Variants in THADA observed in about 807,000 individuals in gnomAD.
The protein encoded by THADA is THADA armadillo repeat containing.
Under a neutral mutation model 219.8 loss-of-function variants are expected in THADA, and 213 were observed. That is an observed-to-expected ratio of 0.97 (90% CI 0.87 to 1.09). The LOEUF (loss-of-function observed/expected upper bound fraction) is 1.09. Among genes scored for constraint, THADA ranks in the 50% least tolerant of loss-of-function variants. The probability of loss-of-function intolerance (pLI) is 0.00; values close to 1 mark genes in which losing one functional copy is unlikely to be tolerated. For synonymous variants in THADA, 1,018 were observed against 828.9 expected (o/e 1.23, Z -3.92); for missense variants, 2,956 against 2,311.3 (o/e 1.28, Z -5.72).
In THADA at chr2:43,546,374, T is replaced by C. The variant is rs1264992874; in HGVS notation, c.3106+2836A>G. On this transcript the variant is annotated intron_variant, in intron 20 of 37. Coordinates refer to ENST00000405975, the MANE Select transcript of THADA (RefSeq NM_022065.5). ...GATTTGGGGTGGAGAGTTCTGTAGA[T>C]GTCTATTAGGTCCGCTTGGTGCAGA... Among the ~76,000 whole-genome samples, 9 of 152,212 alleles carry C rather than the reference T, an allele frequency of 5.9e-5. No individual in the cohort carries two copies. The South Asian group carries it at 6.2e-4, about 10-fold the overall frequency.
intron 29 of THADA, among the ~76,000 whole-genome samples, chr2:43,389,823 C>T (rs570484422): frequency 1.8e-4 from 28 of 152,214 alleles, no homozygotes; most frequent in Admixed American, 7.2e-4. Flanking sequence ...CCAGTCCATC[C>T]TGGTCTTGCC....
At chr2:43,233,615 G>T (rs1490121616) in intron 36 of THADA, among the ~76,000 whole-genome samples, 1 of 152,080 alleles carries the variant, frequency 6.6e-6, no homozygotes, top group African/African-American at 2.4e-5. Context: ...TTGGACCCTT[G>T]TTTTCCTGGG....
chr2:43,248,164 TAGAGAGAGAGAGAG>T (rs70963389), intron 36 of THADA, among the ~76,000 whole-genome samples: 82 of 40,902 alleles, frequency 2.0e-3, no homozygotes, highest in African/African-American at 3.9e-3. Context: ...TATATATATA[TAGAGAGAGAGAGAG>T]AGAGAGAGAG....
At chr2:43,301,593 C>T (rs1367174) in intron 31 of THADA, among the ~76,000 whole-genome samples, 152,330 of 152,354 alleles carry the variant, frequency 1, 76,153 homozygotes, top group Middle Eastern at 1. Context: ...TGTCCAATAC[C>T]TCAGCATAAG....
intron 16 of THADA, among the ~76,000 whole-genome samples, chr2:43,557,717 G>A (rs1326515397): frequency 1.3e-5 from 2 of 152,184 alleles, no homozygotes; most frequent in East Asian, 1.9e-4. Context: ...CATAAGTCTG[G>A]AAGTCAGGGT....
Position 43,335,520 on chromosome 2 carries a change from ACT to A in THADA, c.4343+8600_4343+8601del, listed in dbSNP as rs1351231070. Among the ~76,000 whole-genome samples the A allele has an allele frequency of 3.6e-4, 54 of 151,968 alleles. 1 individual carries two copies. Among genetic ancestry groups the A allele is most frequent in the African/African-American group, 1.2e-3 (50 of 41,364 alleles). On this transcript the variant is annotated intron_variant, in intron 30 of 37. Coordinates refer to ENST00000405975, the MANE Select transcript of THADA (RefSeq NM_022065.5). Reference sequence around the variant, plus strand: ...TAGGTCAATGATTCGATTTGATAAGACTCTGTTCTGTTGCTCTCTTTACACTG... The same window carrying A: ...TAGGTCAATGATTCGATTTGATAAGACTGTTCTGTTGCTCTCTTTACACTG...
chr2:43,321,601 C>G (rs149186651), intron 30 of THADA, among the ~76,000 whole-genome samples: 9 of 152,286 alleles, frequency 5.9e-5, no homozygotes, highest in African/African-American at 1.9e-4. Flanking sequence ...CTCTGTCTTG[C>G]GTGCTCTTTT....
intron 26 of THADA, among the ~76,000 whole-genome samples, chr2:43,481,246 A>G (rs938386543): frequency 2.6e-5 from 4 of 152,216 alleles, no homozygotes; most frequent in Admixed American, 1.3e-4. Flanking sequence ...TATCACTTAT[A>G]CCCTGGAAAA....
intron 22 of THADA, among the ~76,000 whole-genome samples, chr2:43,514,301 A>G (rs61483132): frequency 0.22 from 31,180 of 144,936 alleles, 3,502 homozygotes; most frequent in Middle Eastern, 0.3. Flanking sequence ...AAATACAAAA[A>G]TTAGCTGGGC....
chr2:43,350,578 T>A (rs1668141238), intron 29 of THADA, among the ~76,000 whole-genome samples: 1 of 152,262 alleles, frequency 6.6e-6, no homozygotes. Flanking sequence ...TTACTGGGTA[T>A]AAGTACCTAC....
chr2:43,374,134 G>A (rs1296299622), intron 29 of THADA, among the ~76,000 whole-genome samples: 3 of 152,188 alleles, frequency 2.0e-5, no homozygotes, highest in East Asian at 3.8e-4. Context: ...TATTGGACAT[G>A]CATTAAGCCT....
chr2:43,335,690 G>C (rs910593258), intron 30 of THADA, among the ~76,000 whole-genome samples: 4 of 151,902 alleles, frequency 2.6e-5, no homozygotes, highest in Admixed American at 2.6e-4. Context: ...TGAGTGTGGT[G>C]GCTCATGTCT....
intron 14 of THADA, among the ~76,000 whole-genome samples, chr2:43,567,889 G>C (rs1361547851): frequency 6.6e-6 from 1 of 152,166 alleles, no homozygotes; most frequent in Non-Finnish European, 1.5e-5. Flanking sequence ...TTTTCAACTT[G>C]ATTCTTTGGA....
chr2:43,389,538 T>C (rs897559788), intron 29 of THADA, among the ~76,000 whole-genome samples: 1 of 152,200 alleles, frequency 6.6e-6, no homozygotes, highest in Admixed American at 6.5e-5. Context: ...ATTATTGTCT[T>C]GCAAACCCCA....
chr2:43,246,321 CCT>C (rs1669141258), intron 36 of THADA, among the ~76,000 whole-genome samples: 1 of 152,152 alleles, frequency 6.6e-6, no homozygotes, highest in Non-Finnish European at 1.5e-5. Flanking sequence ...ATGGCGAAAC[CCT>C]GTCTCTACTA....
At chr2:43,561,539 ACTC>A (rs1391001681) in intron 15 of THADA, among the ~76,000 whole-genome samples, 6 of 152,172 alleles carry the variant, frequency 3.9e-5, no homozygotes, top group African/African-American at 1.4e-4. Context: ...TCACAAGTGA[ACTC>A]CTAATGAAAA....
chr2:43,269,496 A>G (rs1671893195), intron 36 of THADA, among the ~76,000 whole-genome samples: 2 of 152,096 alleles, frequency 1.3e-5, no homozygotes, highest in South Asian at 2.1e-4. Context: ...TTTGCACATC[A>G]TGGGAGCCGC....
At chr2:43,334,870 G>A (rs755829617) in intron 30 of THADA, among the ~76,000 whole-genome samples, 1 of 152,216 alleles carries the variant, frequency 6.6e-6, no homozygotes, top group African/African-American at 2.4e-5. Context: ...ATTTCCCATA[G>A]AGAGCCCTGG....
intron 36 of THADA, among the ~76,000 whole-genome samples, chr2:43,272,393 G>A (rs1227612478): frequency 6.6e-6 from 1 of 152,212 alleles, no homozygotes; most frequent in Non-Finnish European, 1.5e-5. Flanking sequence ...AGGAAGACCA[G>A]GCTGTAGAAG....
Sources: gnomAD v4.1 joint callset for allele counts (sites outside exome capture counted in the v4.1 genomes callset) on GRCh38, gnomAD v4.1.1 for gene constraint, MANE v1.5 for transcripts, NCBI Gene and HGNC (gene_info 2026-07-23, HGNC 2026-07-21) for gene names.